Variants in DPP6 observed in about 807,000 individuals in gnomAD.
DPP6 encodes A-type potassium channel modulatory protein DPP6.
Under a neutral mutation model 122.6 loss-of-function variants are expected in DPP6, and 69 were observed. The ratio of observed to expected loss-of-function variants is 0.56; its 90% CI spans 0.46 to 0.69. The LOEUF (loss-of-function observed/expected upper bound fraction) is 0.69. Ranked by LOEUF, DPP6 falls within the 30% of genes least tolerant of loss-of-function variation. The pLI is 0.00. For missense variants in DPP6, 928 were observed against 1,116.9 expected (o/e 0.83, Z 2.41); for synonymous variants, 418 against 433.1 (o/e 0.97, Z 0.43).
chr7:153,891,825 G>C (rs755464317), intron 1 of DPP6, among the ~76,000 whole-genome samples: 22 of 152,212 alleles, frequency 1.4e-4, no homozygotes, highest in Admixed American at 6.5e-5. Context: ...CCAGTATGTG[G>C]TGGGTAAGTG....
chr7:153,981,577 C>A (rs1213507946), intron 1 of DPP6, among the ~76,000 whole-genome samples: 1 of 152,084 alleles, frequency 6.6e-6, no homozygotes, highest in East Asian at 1.9e-4. Flanking sequence ...GAATTTGATC[C>A]TGTTGTTATG....
chr7:154,824,353 CA>C (rs1296611343), intron 16 of DPP6, among the ~76,000 whole-genome samples: 1 of 152,214 alleles, frequency 6.6e-6, no homozygotes, highest in Non-Finnish European at 1.5e-5. Context: ...GACCTCGGCT[CA>C]CTGCAACCTC....
intron 1 of DPP6, among the ~76,000 whole-genome samples, chr7:153,902,174 A>G (rs1799664027): frequency 6.6e-6 from 1 of 152,232 alleles, no homozygotes; most frequent in South Asian, 2.1e-4. Context: ...ATTCTCTTAT[A>G]TAGCCAGGCA....
At chr7:154,366,043 T>C (rs1265331673) in intron 1 of DPP6, among the ~76,000 whole-genome samples, 1 of 151,804 alleles carries the variant, frequency 6.6e-6, no homozygotes, top group African/African-American at 2.4e-5. Flanking sequence ...GCTGGGCTCC[T>C]GACAGGTTCC....
At chr7:154,187,858 C>T (rs1798423528) in intron 1 of DPP6, among the ~76,000 whole-genome samples, 2 of 152,108 alleles carry the variant, frequency 1.3e-5, no homozygotes, top group African/African-American at 4.8e-5. Flanking sequence ...ACTTCTGATG[C>T]CGAGACTCTA....
At chr7:154,493,776 C>T (rs968068033) in intron 3 of DPP6, among the ~76,000 whole-genome samples, 8 of 152,192 alleles carry the variant, frequency 5.3e-5, no homozygotes, top group African/African-American at 1.2e-4. Flanking sequence ...AATTCAATAT[C>T]GGTCACACTG....
chr7:153,863,282 G>A, the DPP6 span, among the ~76,000 whole-genome samples: 1 of 152,098 alleles, frequency 6.6e-6, no homozygotes, highest in East Asian at 1.9e-4. Context: ...TTTTATGGCT[G>A]CATAGTATTC....
At chr7:154,270,048 C>T (rs767867967) in intron 1 of DPP6, among the ~76,000 whole-genome samples, 10 of 152,134 alleles carry the variant, frequency 6.6e-5, no homozygotes, top group Admixed American at 2.0e-4. Context: ...AAACTAAGAC[C>T]TTCATTTCAT....
intron 16 of DPP6, among the ~76,000 whole-genome samples, chr7:154,822,050 A>T (rs950929043): frequency 6.6e-6 from 1 of 152,044 alleles, no homozygotes; most frequent in Non-Finnish European, 1.5e-5. Context: ...ATTCAACCTC[A>T]TAAACTTTCT....
intron 1 of DPP6, among the ~76,000 whole-genome samples, chr7:154,437,567 T>C (rs1818975636): frequency 6.6e-6 from 1 of 152,234 alleles, no homozygotes; most frequent in Non-Finnish European, 1.5e-5. Flanking sequence ...GGAAAATAAC[T>C]CTACCTGCTA....
chr7:154,459,974 CTTTTT>C (rs71184004), intron 2 of DPP6, among the ~76,000 whole-genome samples: 7 of 58,590 alleles, frequency 1.2e-4, no homozygotes, highest in African/African-American at 1.5e-4. Context: ...TATTCATGTG[CTTTTT>C]TTTTTTTTTT....
chr7:154,137,341 A>G (rs1365919590), intron 1 of DPP6, among the ~76,000 whole-genome samples: 4 of 151,890 alleles, frequency 2.6e-5, no homozygotes, highest in Middle Eastern at 6.9e-3. Flanking sequence ...CTGCCTGTAC[A>G]TGCCTTTCTC....
chr7:154,886,518 T>C (rs1176892276), intron 22 of DPP6, among the ~76,000 whole-genome samples: 1 of 152,244 alleles, frequency 6.6e-6, no homozygotes, highest in East Asian at 1.9e-4. Context: ...CTCTGTGACC[T>C]GAACCCATTT....
intron 16 of DPP6, among the ~76,000 whole-genome samples, chr7:154,834,622 G>A (rs1800902936): frequency 1.3e-5 from 2 of 152,352 alleles, no homozygotes; most frequent in South Asian, 2.1e-4. Flanking sequence ...GTGAGAAGAG[G>A]GAGACTCGGA....
chr7:154,868,910 A>G (rs59118836), intron 18 of DPP6, among the ~76,000 whole-genome samples: 11,716 of 152,260 alleles, frequency 0.077, 1,473 homozygotes, highest in African/African-American at 0.26. Context: ...TTTGGTGGTA[A>G]GTTGGTGTCG....
the DPP6 span, among the ~76,000 whole-genome samples, chr7:153,863,324 C>T: frequency 2.2e-4 from 33 of 152,200 alleles, no homozygotes; most frequent in African/African-American, 4.1e-4. Context: ...TTTCTTTATC[C>T]GGTCTATCAT....
At chr7:154,360,098 T>A (rs1014090248) in intron 1 of DPP6, among the ~76,000 whole-genome samples, 1 of 152,232 alleles carries the variant, frequency 6.6e-6, no homozygotes, top group African/African-American at 2.4e-5. Flanking sequence ...TGATCCTCCC[T>A]TTCTTATTTC....
intron 1 of DPP6, among the ~76,000 whole-genome samples, chr7:154,363,796 G>A (rs760417697): frequency 1.3e-5 from 2 of 151,994 alleles, no homozygotes; most frequent in African/African-American, 2.4e-5. Context: ...TTTAACCATT[G>A]AGTTACTACA....
chr7:154,039,142 C>A (rs1382518639), intron 1 of DPP6, among the ~76,000 whole-genome samples: 2 of 40,062 alleles, frequency 5.0e-5, no homozygotes, highest in African/African-American at 2.8e-4. Flanking sequence ...TAAAGCTACC[C>A]CAAAGTAGAA....
Sources: allele counts gnomAD v4.1 joint callset (sites outside exome capture counted in the v4.1 genomes callset), GRCh38; gene constraint gnomAD v4.1.1; transcripts MANE v1.5; gene names NCBI Gene and HGNC (gene_info 2026-07-23, HGNC 2026-07-21).